Variants in MAP4K4 observed in about 807,000 individuals in gnomAD.
The protein encoded by MAP4K4 is HPK/GCK-like kinase HGK.
In MAP4K4, 38 loss-of-function variants were observed where a neutral mutation model predicts 189.6. The ratio of observed to expected loss-of-function variants is 0.20; its 90% CI spans 0.15 to 0.26. The LOEUF (loss-of-function observed/expected upper bound fraction) is 0.26, where lower values mean the gene tolerates loss of function less well. Ranked by LOEUF, MAP4K4 falls within the 10% of genes least tolerant of loss-of-function variation. MAP4K4 has a pLI of 1.00. For synonymous variants in MAP4K4, 610 were observed against 624.3 expected, an observed-to-expected ratio of 0.98 and a Z score of 0.34; for missense variants, 1,054 against 1,726.9, an observed-to-expected ratio of 0.61 and a Z score of 6.91.
chr2:101,852,236 T>G (rs755703506), intron 12 of MAP4K4, among the ~76,000 whole-genome samples: 2 of 152,056 alleles, frequency 1.3e-5, no homozygotes, highest in South Asian at 2.1e-4. Flanking sequence ...AAAGATTGCC[T>G]TAGGATTTGA....
intron 2 of MAP4K4, among the ~76,000 whole-genome samples, chr2:101,759,052 A>G (rs4462799): frequency 0.75 from 113,832 of 151,230 alleles, 43,298 homozygotes; most frequent in African/African-American, 0.88. Context: ...AGAATGGCGT[A>G]AACCCGGGAG....
intron 3 of MAP4K4, among the ~76,000 whole-genome samples, chr2:101,816,582 G>A (rs2095734138): frequency 6.6e-6 from 1 of 152,144 alleles, no homozygotes; most frequent in Non-Finnish European, 1.5e-5. Context: ...TTCTCCTCAA[G>A]GGACCTTTGG....
At chr2:101,824,931 A>G (rs1326434036) in intron 4 of MAP4K4, among the ~76,000 whole-genome samples, 2 of 152,232 alleles carry the variant, frequency 1.3e-5, no homozygotes, top group Non-Finnish European at 2.9e-5. Flanking sequence ...GAGGATCATA[A>G]TGTGAAAAGT....
Position 101,833,576 on chromosome 2 carries a change from C to T in MAP4K4, c.640-833C>T, listed in dbSNP as rs943612496. ...TGGAGCTTGCGGTGAGCTGAGATCGCGCCACTGCATTCCAGCCTGGGTGAC... is the reference window on the plus strand; with the variant it reads ...TGGAGCTTGCGGTGAGCTGAGATCGTGCCACTGCATTCCAGCCTGGGTGAC... On this transcript the variant is annotated intron_variant, in intron 7 of 32. Transcript: ENST00000324219. Among the ~76,000 whole-genome samples, 110 of 149,836 alleles carry T rather than the reference C, an allele frequency of 7.3e-4. 3 individuals carry two copies. Among genetic ancestry groups the T allele is most frequent in the Admixed American group, 1.3e-4 (2 of 14,968 alleles).
intron 22 of MAP4K4, 182 bp downstream of exon 22, chr2:101,869,979 G>T: frequency 2.7e-6 from 2 of 746,298 alleles, no homozygotes; most frequent in Non-Finnish European, 4.2e-6. Flanking sequence ...GCATATGTCA[G>T]TGCTTCCCCC....
intron 2 of MAP4K4, among the ~76,000 whole-genome samples, chr2:101,724,122 G>A (rs2053865858): frequency 1.3e-5 from 2 of 152,174 alleles, no homozygotes; most frequent in South Asian, 2.1e-4. Context: ...ACTTATGGAT[G>A]TGCTTTAGTT....
At chr2:101,832,086 C>T (rs949007487) in intron 7 of MAP4K4, among the ~76,000 whole-genome samples, 1 of 152,220 alleles carries the variant, frequency 6.6e-6, no homozygotes, top group Non-Finnish European at 1.5e-5. Flanking sequence ...TCAAAGCAGT[C>T]TGGAGCACTT....
At chr2:101,779,749 G>C (rs1302898522) in intron 2 of MAP4K4, among the ~76,000 whole-genome samples, 1 of 152,024 alleles carries the variant, frequency 6.6e-6, no homozygotes, top group Non-Finnish European at 1.5e-5. Context: ...TCTGGTAAGG[G>C]ATACTATCAC....
rs1294108335 is a variant in MAP4K4, at chr2:101,843,915, TAAA to T, written c.1023-184_1023-182del. On this transcript the variant is annotated intron_variant, in intron 11 of 32. Transcript: ENST00000324219. Reference sequence around the variant, plus strand: ...CATTTTAAGATATTTACTAAATAAGTAAAAGAAGATATGGGACTATTGAATTGT... The same window carrying T: ...CATTTTAAGATATTTACTAAATAAGTAGAAGATATGGGACTATTGAATTGT... Among the ~76,000 whole-genome samples the T allele has an allele frequency of 3.9e-5, 6 of 152,170 alleles. No individual in the cohort carries two copies. In the East Asian group the frequency reaches 1.2e-3, roughly 29 times the overall value.
intron 2 of MAP4K4, among the ~76,000 whole-genome samples, chr2:101,755,117 C>A (rs1367723785): frequency 6.6e-6 from 1 of 151,382 alleles, no homozygotes; most frequent in East Asian, 1.9e-4. Flanking sequence ...TCACTAATGA[C>A]TGAGAATGAC....
intron 2 of MAP4K4, among the ~76,000 whole-genome samples, chr2:101,740,764 G>GA (rs143304113): frequency 0.044 from 6,561 of 150,162 alleles, 195 homozygotes; most frequent in Non-Finnish European, 0.067. Flanking sequence ...TATTCGCTTT[G>GA]AAAAAAAAAC....
At chr2:101,834,084 C>G (rs962134869) in intron 7 of MAP4K4, among the ~76,000 whole-genome samples, 4 of 152,112 alleles carry the variant, frequency 2.6e-5, no homozygotes, top group Non-Finnish European at 5.9e-5. Flanking sequence ...CAGAGAGATG[C>G]TTTTAAGTGG....
chr2:101,861,035 C>T (rs542499055), intron 16 of MAP4K4, 49 bp downstream of exon 16: 7 of 1,514,084 alleles, frequency 4.6e-6, no homozygotes, highest in Admixed American at 2.1e-5. Flanking sequence ...TGCAACGGCT[C>T]GCTGAGCCGC....
chr2:101,873,033 C>A (rs2098095800), intron 24 of MAP4K4, among the ~76,000 whole-genome samples: 1 of 152,058 alleles, frequency 6.6e-6, no homozygotes, highest in African/African-American at 2.4e-5. Flanking sequence ...TCTTAAGTTA[C>A]ATTATTAACC....
At chr2:101,732,831 C>T (rs2149614484) in intron 2 of MAP4K4, among the ~76,000 whole-genome samples, 1 of 152,384 alleles carries the variant, frequency 6.6e-6, no homozygotes, top group African/African-American at 2.4e-5. Context: ...TCGTGATCCG[C>T]CTGCCTCGGC....
At chr2:101,737,063 A>G (rs1190512245) in intron 2 of MAP4K4, among the ~76,000 whole-genome samples, 1 of 152,168 alleles carries the variant, frequency 6.6e-6, no homozygotes, top group African/African-American at 2.4e-5. Context: ...GTTAGTCATT[A>G]TGACAAAACC....
chr2:101,837,958 T>C lies in MAP4K4; in HGVS notation c.774-1861T>C, dbSNP rs2096809123. On this transcript the variant is annotated intron_variant, in intron 9 of 32. Coordinates refer to ENST00000324219, the Ensembl canonical transcript of MAP4K4. ...CATCCATTTTATATCCCTGTTCTAA[T>C]GTTACCCAAGTGTTCTAAAAGGATG... 2.0e-5 allele frequency among the ~76,000 whole-genome samples: 3 copies of C among 152,222 alleles called. No homozygotes were observed. The South Asian group carries it at 6.2e-4, about 31-fold the overall frequency.
At chr2:101,820,413 A>C (rs984210917) in intron 3 of MAP4K4, among the ~76,000 whole-genome samples, 1 of 152,322 alleles carries the variant, frequency 6.6e-6, no homozygotes, top group South Asian at 2.1e-4. Context: ...AAATTAAAAT[A>C]AATATTTTGA....
intron 2 of MAP4K4, among the ~76,000 whole-genome samples, chr2:101,761,545 G>A (rs1405937594): frequency 2.7e-5 from 4 of 149,108 alleles, no homozygotes; most frequent in African/African-American, 9.9e-5. Context: ...GAGTATGGGA[G>A]CATTCTTTTT....
Sources: gnomAD v4.1 joint callset for allele counts (sites outside exome capture counted in the v4.1 genomes callset) on GRCh38, gnomAD v4.1.1 for gene constraint, MANE v1.5 for transcripts, NCBI Gene and HGNC (gene_info 2026-07-23, HGNC 2026-07-21) for gene names.